The following UTF1 variants were observed in gnomAD, a reference collection of about 807,000 sequenced individuals.
UTF1 encodes the protein undifferentiated embryonic cell transcription factor 1.
UTF1 carries 8 observed loss-of-function variants against 11.8 expected under a neutral mutation model. The observed-to-expected ratio is 0.68, with a 90% confidence interval of 0.40 to 1.23. UTF1 has a LOEUF of 1.23. Among genes scored for constraint, UTF1 ranks in the 50% most tolerant of loss-of-function variants. The pLI is 0.01. For missense variants in UTF1, 545 were observed against 542.1 expected (o/e 1.01, Z -0.05); for synonymous variants, 344 against 271.7 (o/e 1.27, Z -2.62).
chr10:133,231,480 G>GCCCCTCCGCCCTGA lies in UTF1; in HGVS notation c.*46_*59dup. ...GCCAGTCTCCCCTCTCCAGGCCGAG[G>GCCCCTCCGCCCTGA]CCCCTCCGCCCTGACCCCTCCTGCT... On this transcript the variant is annotated 3_prime_UTR_variant, in exon 2 of 2. Transcript: ENST00000304477. 1 of 1,378,570 alleles carries GCCCCTCCGCCCTGA rather than the reference G, an allele frequency of 7.3e-7. No homozygotes were observed. The highest frequency in any genetic ancestry group is 9.4e-7 in the Non-Finnish European group (1 of 1,059,788). 85.4% of individuals were successfully genotyped at this position (1,378,570 alleles called of 1,614,324 possible). A position where few individuals can be genotyped will look rare whatever the true frequency, so the allele number is the denominator to read the frequency against.
Position 133,231,264 on chromosome 10 carries a change from TG to T in UTF1, c.852del (p.His285ThrfsTer17). On this transcript the variant is annotated frameshift_variant, in exon 2 of 2. Coordinates refer to ENST00000304477, the MANE Select transcript of UTF1 (RefSeq NM_003577.3). LOFTEE classifies it high-confidence loss of function. ...PSLNTALLQT[L>X]GHLGDIANIL... is the part of the protein sequence containing the mutation. Reference sequence around the variant, plus strand: ...CTGAACACCGCCCTGCTGCAGACCCTGGGGCACCTGGGCGACATCGCGAACA... The same window carrying T: ...CTGAACACCGCCCTGCTGCAGACCCTGGGCACCTGGGCGACATCGCGAACA... 6.3e-7 allele frequency: 1 copy of T among 1,582,608 alleles called. No homozygotes were observed.
chr10:133,231,274 G>A lies in UTF1; in HGVS notation c.858G>A (p.Leu286=). ...NTALLQTLGH[L]GDIANILGPL... is the part of the protein sequence containing the mutation. ...CCCTGCTGCAGACCCTGGGGCACCT[G>A]GGCGACATCGCGAACATCCTGGGCC... The change falls in exon 2 of 2, where the codon CTG becomes CTA. Residue 286 remains leucine (L), a synonymous_variant. Coordinates refer to ENST00000304477, the MANE Select transcript of UTF1 (RefSeq NM_003577.3). 1 of 1,588,878 alleles carries A rather than the reference G, an allele frequency of 6.3e-7. No individual in the cohort carries two copies. The highest frequency in any genetic ancestry group is 8.5e-7 in the Non-Finnish European group (1 of 1,171,700).
At position 133,231,265 on chromosome 10, in the gene UTF1, G is replaced by A. The variant is rs1171495734; in HGVS notation, c.849G>A (p.Leu283=). 6.3e-7 allele frequency: 1 copy of A among 1,583,146 alleles called. No homozygotes were observed. The highest frequency in any genetic ancestry group is 1.1e-5 in the South Asian group (1 of 87,430). ...PSLNTALLQT[L]GHLGDIANIL... Reference sequence around the variant, plus strand: ...TGAACACCGCCCTGCTGCAGACCCTGGGGCACCTGGGCGACATCGCGAACA... The same window carrying A: ...TGAACACCGCCCTGCTGCAGACCCTAGGGCACCTGGGCGACATCGCGAACA... Residue 283 remains leucine (L), a synonymous_variant, in exon 2 of 2, where the codon CTG becomes CTA. Transcript: ENST00000304477.
At position 133,230,977 on chromosome 10, in the gene UTF1, G is replaced by C; in HGVS notation, c.561G>C (p.Pro187=). The C allele has an allele frequency of 7.6e-7, 1 of 1,322,498 alleles. No individual in the cohort carries two copies. The highest frequency in any genetic ancestry group is 9.6e-7 in the Non-Finnish European group (1 of 1,039,990). The allele number at this position is 1,322,498 out of a possible 1,614,324, so 81.9% of individuals were successfully genotyped here. A position where few individuals can be genotyped will look rare whatever the true frequency, so the allele number is the denominator to read the frequency against. Residue 187 remains proline (P), a synonymous_variant, in exon 2 of 2, where the codon CCG becomes CCC. Transcript: ENST00000304477. The stretch of plus-strand genomic sequence containing the variant: ...GCTCCGCGTTCCCAGACGCCACCCC[G>C]CTGCCCACCGCCCGCGACCGCGACG... ...APAPSEPDAT[P]LPTARDRDAD...
Position 133,231,225 on chromosome 10 carries a change from C to T in UTF1, c.809C>T (p.Ala270Val), listed in dbSNP as rs761050152. The change falls in exon 2 of 2, where the codon GCC becomes GTC. Residue 270 changes from alanine to valine, a missense_variant. Coordinates refer to ENST00000304477, the MANE Select transcript of UTF1 (RefSeq NM_003577.3). ...CCCGAGGACTGCGCGCCCCCTCCGG[C>T]CGCGCCCCCGTCGCTGAACACCGCC... is the stretch of plus-strand genomic sequence containing the variant. Reference protein sequence around the residue: ...GRPEDCAPPPAAPPSLNTALL... With the variant: ...GRPEDCAPPPVAPPSLNTALL... 11 of 1,528,906 alleles carry T rather than the reference C, an allele frequency of 7.2e-6. No homozygotes were observed. The highest frequency in any genetic ancestry group is 4.0e-5 in the Admixed American group (2 of 50,042). 94.7% of individuals were successfully genotyped at this position (1,528,906 alleles called of 1,614,324 possible).
rs529391166 is a variant in UTF1 at position 133,231,378 on chromosome 10, C to T, written c.962C>T (p.Ala321Val). Residue 321 changes from alanine to valine, a missense_variant, in exon 2 of 2, where the codon GCC becomes GTC. By Grantham distance (64) the Ala-to-Val change is moderately conservative. This residue lies in a region of UTF1 where 394 missense variants were observed against 341.5 expected (regional missense o/e 1.15). Transcript: ENST00000304477. Reference protein sequence around the residue: ...RGAFDQTVSLAVGFILGSAAA... With the variant: ...RGAFDQTVSLVVGFILGSAAA... ...GCCTTCGACCAGACAGTGTCCCTGG[C>T]CGTGGGCTTCATTCTGGGCAGCGCG... The T allele has an allele frequency of 1.4e-4, 219 of 1,591,486 alleles. No individual in the cohort carries two copies. Among genetic ancestry groups the T allele is most frequent in the East Asian group, 1.2e-3 (54 of 44,104 alleles).
At position 133,230,568 on chromosome 10, in the gene UTF1, A is replaced by C. The variant is rs1464394262; in HGVS notation, c.280A>C (p.Thr94Pro). 7.1e-7 allele frequency: 1 copy of C among 1,409,938 alleles called. No homozygotes were observed. Among genetic ancestry groups the C allele is most frequent in the Non-Finnish European group, 9.2e-7 (1 of 1,086,306 alleles). 87.3% of individuals were successfully genotyped at this position (1,409,938 alleles called of 1,614,324 possible). The change falls in exon 1 of 2, where the codon ACC (threonine) becomes CCC (proline). Residue 94 changes from threonine to proline, a missense_variant. This residue lies in a region of UTF1 where 129 missense variants were observed against 148.5 expected (regional missense o/e 0.87). Coordinates refer to ENST00000304477, the MANE Select transcript of UTF1 (RefSeq NM_003577.3). ...LLLDRRQALP[T>P]YRRVSAALAQ... The stretch of plus-strand genomic sequence containing the variant: ...CCTGGACCGCCGCCAGGCCCTGCCC[A>C]CCTACCGCCGCGTGTCGGCCGCGCT...
Position 133,230,765 on chromosome 10 carries a change from C to T in UTF1, c.477C>T (p.Ser159=). 4 of 1,378,138 alleles carry T rather than the reference C, an allele frequency of 2.9e-6. No homozygotes were observed. The South Asian group carries it at 4.9e-5, about 17-fold the overall frequency. 85.4% of individuals were successfully genotyped at this position (1,378,138 alleles called of 1,614,324 possible). ...GGCGCAAACGGCCTCGCCGCCGCTC[C>T]CCGGGGTCCGGGCGCCCCCAGCGCG... ...DNGRKRPRRR[S]PGSGRPQRAR... is the part of the protein sequence containing the mutation. Residue 159 remains serine (S), a synonymous_variant, in exon 1 of 2, where the codon TCC becomes TCT. Transcript: ENST00000304477.
At position 133,230,537 on chromosome 10, in the gene UTF1, G is replaced by C. The variant is rs1287503547; in HGVS notation, c.249G>C (p.Ala83=). 1 of 1,441,214 alleles carries C rather than the reference G, an allele frequency of 6.9e-7. No homozygotes were observed. The highest frequency in any genetic ancestry group is 2.5e-5 in the Admixed American group (1 of 39,262). 89.3% of individuals were successfully genotyped at this position (1,441,214 alleles called of 1,614,324 possible). ...GTLLQPAVWR[A]LLLDRRQALP... ...TGCTGCAACCGGCCGTGTGGCGCGC[G>C]CTGCTCCTGGACCGCCGCCAGGCCC... The change falls in exon 1 of 2, where the codon GCG becomes GCC. Residue 83 remains alanine (A), a synonymous_variant. Coordinates refer to ENST00000304477, the MANE Select transcript of UTF1 (RefSeq NM_003577.3).
chr10:133,231,552 T>C lies in UTF1; in HGVS notation c.*110T>C. ...GGTATGTTCAATAAAAGGATTGTTT[T>C]CCTAGAGTCCGGGCTGTGTAGGAGT... is the stretch of plus-strand genomic sequence containing the variant. On this transcript the variant is annotated 3_prime_UTR_variant, in exon 2 of 2. Coordinates refer to ENST00000304477, the MANE Select transcript of UTF1 (RefSeq NM_003577.3). 2.0e-6 allele frequency: 2 copies of C among 984,648 alleles called. No homozygotes were observed. Among genetic ancestry groups the C allele is most frequent in the Non-Finnish European group, 2.8e-6 (2 of 704,000 alleles). 61.0% of individuals were successfully genotyped at this position (984,648 alleles called of 1,614,324 possible). A position where few individuals can be genotyped will look rare whatever the true frequency, so the allele number is the denominator to read the frequency against.
rs1334519170 is a variant in UTF1, at chr10:133,231,073, C to T, written c.657C>T (p.Gly219=). Residue 219 remains glycine (G), a synonymous_variant, in exon 2 of 2, where the codon GGC becomes GGT. Coordinates refer to ENST00000304477, the MANE Select transcript of UTF1 (RefSeq NM_003577.3). ...CTGCGGACGCCTCCCCCGCCCCCGG[C>T]TCCCCGCCAGCTCCCGCCCCGACCG... The part of the protein sequence containing the change: ...PKSADASPAP[G]SPPAPAPTAL... 2 of 1,288,210 alleles carry T rather than the reference C, an allele frequency of 1.6e-6. No individual in the cohort carries two copies. Among genetic ancestry groups the T allele is most frequent in the Admixed American group, 3.9e-5 (1 of 25,602 alleles). 79.8% of individuals were successfully genotyped at this position (1,288,210 alleles called of 1,614,324 possible).
At chr10:133,230,889 G>C (rs1199118391) in intron 1 of UTF1, 51 bp downstream of exon 1, 6 of 1,279,820 alleles carry the variant, frequency 4.7e-6, no homozygotes, top group South Asian at 2.5e-5. Flanking sequence ...CGGAGGAACC[G>C]GGGGCTGCCG....
rs1589784637 is a variant in UTF1, at chr10:133,230,544, C to A, written c.256C>A (p.Leu86Met). 7.0e-7 allele frequency: 1 copy of A among 1,435,974 alleles called. No homozygotes were observed. The highest frequency in any genetic ancestry group is 3.1e-5 in the East Asian group (1 of 31,992). 89.0% of individuals were successfully genotyped at this position (1,435,974 alleles called of 1,614,324 possible). The change falls in exon 1 of 2, where the codon CTG (leucine) becomes ATG (methionine). Residue 86 changes from leucine to methionine, a missense_variant. Leu to Met is a conservative substitution (Grantham distance 15). Coordinates refer to ENST00000304477, the MANE Select transcript of UTF1 (RefSeq NM_003577.3). ...LQPAVWRALLLDRRQALPTYR... is the reference protein window; with the variant it reads ...LQPAVWRALLMDRRQALPTYR... ...ACCGGCCGTGTGGCGCGCGCTGCTC[C>A]TGGACCGCCGCCAGGCCCTGCCCAC...
rs1845789273 is a variant in UTF1, at chr10:133,230,824, C to T, written c.536C>T (p.Ala179Val). The T allele has an allele frequency of 1.5e-6, 2 of 1,307,826 alleles. No individual in the cohort carries two copies. Among genetic ancestry groups the T allele is most frequent in the Non-Finnish European group, 9.6e-7 (1 of 1,036,884 alleles). The allele number at this position is 1,307,826 out of a possible 1,614,324, so 81.0% of individuals were successfully genotyped here. The change falls in exon 1 of 2, where the codon GCT becomes GTT. Residue 179 changes from alanine (A) to valine (V), a missense_variant. Ala to Val is a moderately conservative substitution (Grantham distance 64, BLOSUM62 0). Transcript: ENST00000304477. ...RRPVPNAHAP[A>V]PSEPDATPLP... The stretch of plus-strand genomic sequence containing the variant: ...CCGGTCCCCAACGCGCACGCGCCGG[C>T]TCCCAGCGAACCAGGTAGGCGGGGG...
chr10:133,231,091 C>T lies in UTF1; in HGVS notation c.675C>T (p.Ala225=), dbSNP rs777227781. ...SPAPGSPPAP[A]PTALATCIPE... ...CCCCCGGCTCCCCGCCAGCTCCCGC[C>T]CCGACCGCCCTCGCCACCTGCATCC... Residue 225 remains alanine, a synonymous_variant, in exon 2 of 2, where the codon GCC becomes GCT. Transcript: ENST00000304477. The T allele has an allele frequency of 7.7e-6, 10 of 1,293,110 alleles. 1 individual carries two copies. The East Asian group carries it at 2.6e-4, about 34-fold the overall frequency. 80.1% of individuals were successfully genotyped at this position (1,293,110 alleles called of 1,614,324 possible).
Position 133,231,055 on chromosome 10 carries a change from C to G in UTF1, c.639C>G (p.Asp213Glu). 7.7e-7 allele frequency: 1 copy of G among 1,306,774 alleles called. No homozygotes were observed. The highest frequency in any genetic ancestry group is 9.7e-7 in the Non-Finnish European group (1 of 1,030,956). 80.9% of individuals were successfully genotyped at this position (1,306,774 alleles called of 1,614,324 possible). The change falls in exon 2 of 2, where the codon GAC becomes GAG. Residue 213 changes from aspartate to glutamate, a missense_variant. Asp to Glu is a conservative substitution (Grantham distance 45). Coordinates refer to ENST00000304477, the MANE Select transcript of UTF1 (RefSeq NM_003577.3). ...RFSPSPPKSA[D>E]ASPAPGSPPA... ...GCCCGTCCCCACCGAAGTCTGCGGA[C>G]GCCTCCCCCGCCCCCGGCTCCCCGC...
Position 133,230,641 on chromosome 10 carries a change from A to T in UTF1, c.353A>T (p.Tyr118Phe). The stretch of plus-strand genomic sequence containing the variant: ...ACCCCCGCGCAGTGCCGCCGCCGCT[A>T]CAAGTTCCTTAAAGACAAGTTTCGC... ...RRTPAQCRRRYKFLKDKFREA... is the reference protein window; with the variant it reads ...RRTPAQCRRRFKFLKDKFREA... The change falls in exon 1 of 2, where the codon TAC becomes TTC. Residue 118 changes from tyrosine to phenylalanine, a missense_variant. This residue lies in a region of UTF1 where 22 missense variants were observed against 52.1 expected (regional missense o/e 0.42). Coordinates refer to ENST00000304477, the MANE Select transcript of UTF1 (RefSeq NM_003577.3). 1 of 1,475,958 alleles carries T rather than the reference A, an allele frequency of 6.8e-7. No individual in the cohort carries two copies. The highest frequency in any genetic ancestry group is 8.9e-7 in the Non-Finnish European group (1 of 1,121,688). 91.4% of individuals were successfully genotyped at this position (1,475,958 alleles called of 1,614,324 possible).
Position 133,231,489 on chromosome 10 carries a change from C to CACTGA in UTF1, c.*47_*48insACTGA. 7.4e-7 allele frequency: 1 copy of CACTGA among 1,345,176 alleles called. No homozygotes were observed. The highest frequency in any genetic ancestry group is 9.7e-7 in the Non-Finnish European group (1 of 1,031,800). 83.3% of individuals were successfully genotyped at this position (1,345,176 alleles called of 1,614,324 possible). A position where few individuals can be genotyped will look rare whatever the true frequency, so the allele number is the denominator to read the frequency against. ...CCCTCTCCAGGCCGAGGCCCCTCCG[C>CACTGA]CCTGACCCCTCCTGCTGCCTTCCCA... is the stretch of plus-strand genomic sequence containing the variant. On this transcript the variant is annotated 3_prime_UTR_variant, in exon 2 of 2. Transcript: ENST00000304477.
In UTF1 at chr10:133,231,508, C is replaced by A; in HGVS notation, c.*66C>A. 8.1e-7 allele frequency: 1 copy of A among 1,241,136 alleles called. No homozygotes were observed. The highest frequency in any genetic ancestry group is 1.1e-6 in the Non-Finnish European group (1 of 940,830). 76.9% of individuals were successfully genotyped at this position (1,241,136 alleles called of 1,614,324 possible). A position where few individuals can be genotyped will look rare whatever the true frequency, so the allele number is the denominator to read the frequency against. On this transcript the variant is annotated 3_prime_UTR_variant, in exon 2 of 2. Transcript: ENST00000304477. Reference sequence around the variant, plus strand: ...CCTCCGCCCTGACCCCTCCTGCTGCCTTCCCACCCCCGTTCTTGGGTATGT... The same window carrying A: ...CCTCCGCCCTGACCCCTCCTGCTGCATTCCCACCCCCGTTCTTGGGTATGT...
Sources: gnomAD v4.1 joint callset for allele counts on GRCh38, gnomAD v4.1.1 for gene constraint, gnomAD v4.1.1 regional missense constraint, MANE v1.5 for transcripts, NCBI Gene and HGNC (gene_info 2026-07-23, HGNC 2026-07-21) for gene names.